The following TRANK1 variants were observed in gnomAD, a reference collection of about 807,000 sequenced individuals.
TRANK1 encodes the protein TPR and ankyrin repeat-containing protein 1.
A neutral mutation model predicts 266.0 loss-of-function variants in TRANK1; 198 were observed. The ratio of observed to expected loss-of-function variants is 0.74; its 90% CI spans 0.66 to 0.84. The LOEUF (loss-of-function observed/expected upper bound fraction) is 0.84. Among genes scored for constraint, TRANK1 ranks in the 40% least tolerant of loss-of-function variants. The probability of loss-of-function intolerance (pLI) is 0.00; values close to 1 mark genes in which losing one functional copy is unlikely to be tolerated. For missense variants in TRANK1, 3,326 were observed against 3,634.6 expected (o/e 0.92, Z 2.18); for synonymous variants, 1,396 against 1,384.1 (o/e 1.01, Z -0.19).
chr3:36,939,260 TACACACACACACACACACACACACAC>T (rs10623771), intron 1 of TRANK1, among the ~76,000 whole-genome samples: 1 of 139,832 alleles, frequency 7.2e-6, no homozygotes, highest in Non-Finnish European at 1.6e-5. Flanking sequence ...CATTCTAACA[TACACACACACACACACACACACACAC>T]ACACACACAC....
rs536325902 is a variant in TRANK1, at chr3:36,902,970, G to A, written c.282+179C>T. ...TCTGAAGATGCAAAGAGATCTAGAA[G>A]AACTCCTAGCATTTCCACTTTTAAA... is the stretch of plus-strand genomic sequence containing the variant. On this transcript the variant is annotated intron_variant, in intron 3 of 23. Coordinates refer to ENST00000645898, the MANE Select transcript of TRANK1 (RefSeq NM_001329998.2). 1.1e-4 allele frequency among the ~76,000 whole-genome samples: 16 copies of A among 152,334 alleles called. No homozygotes were observed. The East Asian group carries it at 3.1e-3, about 29-fold the overall frequency.
At chr3:36,840,487 C>G (rs1277472033) in intron 18 of TRANK1, among the ~76,000 whole-genome samples, 1 of 152,232 alleles carries the variant, frequency 6.6e-6, no homozygotes, top group Non-Finnish European at 1.5e-5. Flanking sequence ...GTCCACACCC[C>G]CTTACAGTGT....
At chr3:36,830,776 C>T in intron 22 of TRANK1, 97 bp downstream of exon 22, 1 of 1,347,544 alleles carries the variant, frequency 7.4e-7, no homozygotes, top group Non-Finnish European at 9.9e-7. Flanking sequence ...TTCCACCATC[C>T]CCAAGTCAGA....
At position 36,910,060 on chromosome 3, in the gene TRANK1, C is replaced by A. The variant is rs542606420; in HGVS notation, c.24-1606G>T. On this transcript the variant is annotated intron_variant, in intron 1 of 23. Transcript: ENST00000645898. ...GCAATAACTGACAAAGAGTTCATAT[C>A]CCTCCGTTATAAATAGCTTTCCACT... Among the ~76,000 whole-genome samples, 8 of 152,304 alleles carry A rather than the reference C, an allele frequency of 5.3e-5. No homozygotes were observed. In the South Asian group the frequency reaches 8.3e-4, roughly 16 times the overall value.
intron 1 of TRANK1, among the ~76,000 whole-genome samples, chr3:36,913,718 A>T (rs570699630): frequency 1.3e-5 from 2 of 151,994 alleles, no homozygotes; most frequent in Non-Finnish European, 2.9e-5. Context: ...CACTCAAAAT[A>T]TTTCATAAGG....
At chr3:36,843,140 G>A (rs759769718) in intron 17 of TRANK1, among the ~76,000 whole-genome samples, 1 of 152,156 alleles carries the variant, frequency 6.6e-6, no homozygotes, top group Non-Finnish European at 1.5e-5. Context: ...CATCTAGTCT[G>A]TAGTATTCTG....
intron 8 of TRANK1, chr3:36,880,654 C>G (rs2079517155): frequency 5.4e-6 from 1 of 183,920 alleles, no homozygotes; most frequent in Non-Finnish European, 1.2e-5. Flanking sequence ...TTTTCCACCA[C>G]AAATTCTCCA....
intron 5 of TRANK1, among the ~76,000 whole-genome samples, chr3:36,893,241 T>G (rs1008427579): frequency 2.6e-5 from 4 of 151,592 alleles, no homozygotes; most frequent in Non-Finnish European, 1.5e-5. Context: ...CAGGAGCAGA[T>G]GATGTCATGT....
chr3:36,870,255 A>C (rs1054609232), intron 9 of TRANK1, among the ~76,000 whole-genome samples: 1 of 152,160 alleles, frequency 6.6e-6, no homozygotes, highest in Non-Finnish European at 1.5e-5. Context: ...AAAAAATACA[A>C]AATTAGCCGG....
intron 1 of TRANK1, among the ~76,000 whole-genome samples, chr3:36,939,975 C>T (rs2080473984): frequency 6.6e-6 from 1 of 151,832 alleles, no homozygotes. Context: ...ACTGCAACCT[C>T]CACCTCCCGG....
At chr3:36,838,200 C>T (rs1362588792) in intron 20 of TRANK1, among the ~76,000 whole-genome samples, 172 bp downstream of exon 20, 1 of 152,192 alleles carries the variant, frequency 6.6e-6, no homozygotes, top group East Asian at 1.9e-4. Flanking sequence ...AGAGCCTCCT[C>T]AAAGTTTGCC....
chr3:36,933,710 T>C (rs1249196768), intron 1 of TRANK1, among the ~76,000 whole-genome samples: 1 of 152,216 alleles, frequency 6.6e-6, no homozygotes, highest in African/African-American at 2.4e-5. Context: ...TTGAGTGTAA[T>C]CCCTGCAACA....
At position 36,832,997 on chromosome 3, in the gene TRANK1, T is replaced by C; in HGVS notation, c.6586A>G (p.Ile2196Val). The C allele has an allele frequency of 6.2e-7, 1 of 1,612,064 alleles. No homozygotes were observed. The highest frequency in any genetic ancestry group is 8.5e-7 in the Non-Finnish European group (1 of 1,178,920). ...TCATCCTCACATTTTAAGCCTACAA[T>C]AAACCTCATGCAGACTCCTCGGTAG... is the stretch of plus-strand genomic sequence containing the variant. Reference protein sequence around the residue: ...KTYRGVCMRFIVGLKCEDENC... With the variant: ...KTYRGVCMRFVVGLKCEDENC... Residue 2196 changes from isoleucine to valine, a missense_variant, in exon 22 of 24, where the codon ATT becomes GTT. Transcript: ENST00000645898.
chr3:36,906,473 C>CT (rs1332631153), intron 2 of TRANK1, among the ~76,000 whole-genome samples: 1 of 152,140 alleles, frequency 6.6e-6, no homozygotes, highest in Non-Finnish European at 1.5e-5. Flanking sequence ...AAATACTGTT[C>CT]TTTTTATGGA....
chr3:36,858,876 T>G lies in TRANK1; in HGVS notation c.1514A>C (p.Gln505Pro). The change falls in exon 12 of 24, where the codon CAG becomes CCG. Residue 505 changes from glutamine (Q) to proline (P), a missense_variant. Transcript: ENST00000645898. ...GACAACTGGCCTCTCCTGGCTCTCC[T>G]GAAGACCATCAGGCAAGGCTGGGAG... ...IDSGALPDGL[Q>P]ESQERPVVTC... 3.3e-6 allele frequency: 5 copies of G among 1,536,342 alleles called. No homozygotes were observed. The highest frequency in any genetic ancestry group is 4.4e-6 in the Non-Finnish European group (5 of 1,146,458).
chr3:36,879,821 C>T lies in TRANK1; in HGVS notation c.908-5525G>A, dbSNP rs139732087. On this transcript the variant is annotated intron_variant, in intron 8 of 23. Coordinates refer to ENST00000645898, the MANE Select transcript of TRANK1 (RefSeq NM_001329998.2). ...AAATATACAAATATATGTAAATATA[C>T]AAATATATGTAAATATACAAATATA... Among the ~76,000 whole-genome samples the T allele has an allele frequency of 1.2e-3, 112 of 92,198 alleles. 12 individuals are homozygous for T. Among genetic ancestry groups the T allele is most frequent in the Non-Finnish European group, 1.5e-3 (75 of 49,744 alleles). 60.5% of individuals were successfully genotyped at this position (92,198 alleles called of 152,430 possible).
At chr3:36,830,842 T>C (rs1559410962) in intron 22 of TRANK1, 31 bp downstream of exon 22, 1 of 1,543,150 alleles carries the variant, frequency 6.5e-7, no homozygotes, top group South Asian at 1.3e-5. Context: ...GGTCTCACTC[T>C]GCCTGGGCCC....
chr3:36,918,530 AGAAG>A (rs1291730952), intron 1 of TRANK1, among the ~76,000 whole-genome samples: 1 of 18,782 alleles, frequency 5.3e-5, no homozygotes, highest in Non-Finnish European at 1.0e-4. Context: ...AAAGAAAGAA[AGAAG>A]GAAGGAAGGA....
chr3:36,867,968 C>T (rs1294245131), intron 9 of TRANK1, among the ~76,000 whole-genome samples: 3 of 152,158 alleles, frequency 2.0e-5, no homozygotes, highest in Non-Finnish European at 4.4e-5. Flanking sequence ...AAGATGTGTA[C>T]GATAGGTGAA....
Sources: allele counts gnomAD v4.1 joint callset (sites outside exome capture counted in the v4.1 genomes callset), GRCh38; gene constraint gnomAD v4.1.1; transcripts MANE v1.5; gene names NCBI Gene and HGNC (gene_info 2026-07-23, HGNC 2026-07-21).